Variants in SHLD1 observed in about 807,000 individuals in gnomAD.
The protein encoded by SHLD1 is shieldin complex subunit 1, also known as RINN1-REV7-interacting novel NHEJ regulator 3.
Under a neutral mutation model 5.5 loss-of-function variants are expected in SHLD1, and 3 were observed. The ratio of observed to expected loss-of-function variants is 0.54; its 90% CI spans 0.25 to 1.40. SHLD1 has a LOEUF of 1.40. SHLD1 is among the 40% of genes most tolerant of loss of function. The pLI is 0.15. For missense variants in SHLD1, 210 were observed against 244.4 expected (o/e 0.86, Z 0.94); for synonymous variants, 92 against 94.3 (o/e 0.98, Z 0.14).
At chr20:5,834,342 G>A (rs2087765139) in intron 2 of SHLD1, among the ~76,000 whole-genome samples, 1 of 152,176 alleles carries the variant, frequency 6.6e-6, no homozygotes, top group Non-Finnish European at 1.5e-5. Flanking sequence ...ATTAGCATGT[G>A]TGACTTTTAT....
intron 1 of SHLD1, chr20:5,756,689 CTTTTTTT>C: frequency 2.5e-5 from 2 of 78,878 alleles, no homozygotes; most frequent in Non-Finnish European, 6.1e-5. Context: ...TTCTTTCTTT[CTTTTTTT>C]TTTTTTTTTT....
intron 2 of SHLD1, among the ~76,000 whole-genome samples, chr20:5,803,603 G>T (rs990753045): frequency 1.3e-5 from 2 of 152,168 alleles, no homozygotes; most frequent in Admixed American, 6.5e-5. Flanking sequence ...AGTCGCGGTG[G>T]CTCACACCTG....
At position 5,784,699 on chromosome 20, in the gene SHLD1, C is replaced by T. The variant is rs540882855; in HGVS notation, c.178+11656C>T. ...TCGCCTGACCTTGTGATCCGCCCGC[C>T]TCAGCCTCCCAAAGTGCTGGGATTA... On this transcript the variant is annotated intron_variant, in intron 2 of 2. Transcript: ENST00000303142. Among the ~76,000 whole-genome samples, 18 of 152,302 alleles carry T rather than the reference C, an allele frequency of 1.2e-4. No homozygotes were observed. In the East Asian group the frequency reaches 3.5e-3, roughly 29 times the overall value.
intron 2 of SHLD1, among the ~76,000 whole-genome samples, chr20:5,821,639 T>C (rs930420285): frequency 6.6e-6 from 1 of 150,912 alleles, no homozygotes; most frequent in African/African-American, 2.5e-5. Context: ...CATATCAGAG[T>C]TTCTGAGGAT....
At chr20:5,813,635 C>T (rs1281813091) in intron 2 of SHLD1, among the ~76,000 whole-genome samples, 1 of 152,054 alleles carries the variant, frequency 6.6e-6, no homozygotes, top group Non-Finnish European at 1.5e-5. Context: ...AATATGATGG[C>T]CTGGATAGGT....
Position 5,855,857 on chromosome 20 carries a change from GA to G in SHLD1, c.179-7164del, listed in dbSNP as rs894807040. ...GATATTCTTTCATCCTCATCCTTTT[GA>G]AATCAGGCTTGGCCATATGACTTCA... On this transcript the variant is annotated intron_variant, in intron 2 of 2. Coordinates refer to ENST00000303142, the MANE Select transcript of SHLD1 (RefSeq NM_152504.4). This position sits in a 1 kb window ranked among gnomAD's most constrained non-coding sequence, Gnocchi z 4.4. 2.0e-5 allele frequency among the ~76,000 whole-genome samples: 3 copies of G among 152,162 alleles called. No homozygotes were observed. Among genetic ancestry groups the G allele is most frequent in the Non-Finnish European group, 4.4e-5 (3 of 68,036 alleles).
At chr20:5,838,326 G>A (rs1219668192) in intron 2 of SHLD1, among the ~76,000 whole-genome samples, 4 of 152,212 alleles carry the variant, frequency 2.6e-5, no homozygotes, top group Non-Finnish European at 5.9e-5. Flanking sequence ...GTAAGTTGGA[G>A]TGGTAGATTA....
At chr20:5,788,245 A>C (rs913817470) in intron 2 of SHLD1, among the ~76,000 whole-genome samples, 10 of 152,242 alleles carry the variant, frequency 6.6e-5, no homozygotes, top group African/African-American at 2.2e-4. Flanking sequence ...ATAAATTGTA[A>C]AAAACAAAAA....
At chr20:5,832,280 G>A (rs1490146448) in intron 2 of SHLD1, among the ~76,000 whole-genome samples, 1 of 152,232 alleles carries the variant, frequency 6.6e-6, no homozygotes, top group Non-Finnish European at 1.5e-5. Flanking sequence ...GAATCCAGGA[G>A]ACAGACTTCT....
chr20:5,854,300 C>T (rs2088052678), intron 2 of SHLD1, among the ~76,000 whole-genome samples: 1 of 152,162 alleles, frequency 6.6e-6, no homozygotes, highest in Non-Finnish European at 1.5e-5. Flanking sequence ...GCCACCACAC[C>T]CGGCCTTATG....
At chr20:5,845,829 T>C (rs932695728) in intron 2 of SHLD1, among the ~76,000 whole-genome samples, 7 of 152,184 alleles carry the variant, frequency 4.6e-5, no homozygotes, top group African/African-American at 1.7e-4. Context: ...GGAGTGAAGA[T>C]GACTCCTAAG....
chr20:5,854,381 C>G (rs997699485), intron 2 of SHLD1, among the ~76,000 whole-genome samples: 2 of 152,180 alleles, frequency 1.3e-5, no homozygotes, highest in African/African-American at 4.8e-5. Context: ...CTCCTGAACT[C>G]ACGTGATTTG....
chr20:5,755,980 A>G (rs1175402390), intron 1 of SHLD1, among the ~76,000 whole-genome samples: 1 of 152,174 alleles, frequency 6.6e-6, no homozygotes, highest in Non-Finnish European at 1.5e-5. Flanking sequence ...CAGGGCCTGC[A>G]GTCATGTGAT....
intron 1 of SHLD1, among the ~76,000 whole-genome samples, chr20:5,759,989 T>TACAC (rs74281801): frequency 0.15 from 23,292 of 150,454 alleles, 1,906 homozygotes; most frequent in Admixed American, 0.2. Flanking sequence ...TGTATTTTTA[T>TACAC]ACACACACAC....
chr20:5,766,625 A>G (rs1984843153), intron 1 of SHLD1, among the ~76,000 whole-genome samples: 1 of 152,136 alleles, frequency 6.6e-6, no homozygotes, highest in African/African-American at 2.4e-5. Flanking sequence ...GAGGGTACTG[A>G]TAGGATTACC....
intron 2 of SHLD1, among the ~76,000 whole-genome samples, chr20:5,777,095 TCTC>T (rs1400810427): frequency 6.6e-6 from 1 of 151,924 alleles, no homozygotes; most frequent in African/African-American, 2.4e-5. Flanking sequence ...TTAAAGCAAT[TCTC>T]CTGCCTCAGC....
At chr20:5,852,417 C>G (rs1291017300) in intron 2 of SHLD1, among the ~76,000 whole-genome samples, 4 of 140,262 alleles carry the variant, frequency 2.9e-5, no homozygotes, top group Admixed American at 2.8e-4. Context: ...CTTTCCCTCC[C>G]TTCCTTCCTT....
chr20:5,830,481 A>G (rs1487887454), intron 2 of SHLD1, among the ~76,000 whole-genome samples: 1 of 151,910 alleles, frequency 6.6e-6, no homozygotes, highest in Admixed American at 6.6e-5. Context: ...GGAGTTCTAG[A>G]CCAGCCTGAC....
chr20:5,771,679 A>G (rs1238253463), intron 1 of SHLD1, among the ~76,000 whole-genome samples: 1 of 148,948 alleles, frequency 6.7e-6, no homozygotes, highest in African/African-American at 2.5e-5. Context: ...CAGTGGTGCA[A>G]TCTCGGCTCA....
Sources: allele counts gnomAD v4.1 joint callset (sites outside exome capture counted in the v4.1 genomes callset), GRCh38; gene constraint gnomAD v4.1.1; non-coding constraint Gnocchi (gnomAD v3.1); transcripts MANE v1.5; gene names NCBI Gene and HGNC (gene_info 2026-07-23, HGNC 2026-07-21).